The following MAN1A2 variants were observed in gnomAD, a reference collection of about 807,000 sequenced individuals.
The protein encoded by MAN1A2 is mannosidase alpha class 1A member 2, also known as mannosyl-oligosaccharide 1,2-alpha-mannosidase IB.
A neutral mutation model predicts 75.7 loss-of-function variants in MAN1A2; 26 were observed. The ratio of observed to expected loss-of-function variants is 0.34; its 90% CI spans 0.25 to 0.48. MAN1A2 has a LOEUF of 0.48. Ranked by LOEUF, MAN1A2 falls within the 20% of genes least tolerant of loss-of-function variation. The pLI, the probability that MAN1A2 is intolerant of heterozygous loss-of-function variation, is 0.99. For missense variants in MAN1A2, 562 were observed against 775.5 expected (o/e 0.72, Z 3.27); for synonymous variants, 247 against 264.6 (o/e 0.93, Z 0.65).
Position 117,463,713 on chromosome 1 carries a change from T to TA in MAN1A2, c.1075-2610dup, listed in dbSNP as rs151196628. 1.7e-3 allele frequency among the ~76,000 whole-genome samples: 247 copies of TA among 143,866 alleles called. 1 individual carries two copies. Among genetic ancestry groups the TA allele is most frequent in the African/African-American group, 3.4e-3 (133 of 39,152 alleles). The allele number at this position is 143,866 out of a possible 152,430, so 94.4% of individuals were successfully genotyped here. A position where few individuals can be genotyped will look rare whatever the true frequency, so the allele number is the denominator to read the frequency against. On this transcript the variant is annotated intron_variant, in intron 7 of 12. Coordinates refer to ENST00000356554, the MANE Select transcript of MAN1A2 (RefSeq NM_006699.5). ...ATCCAGTTTCAAATTTTAAAAACAG[T>TA]AAAAAAAAAAAGTCACCATGAGTAA...
chr1:117,386,037 G>A (rs1374972898), intron 1 of MAN1A2, among the ~76,000 whole-genome samples: 1 of 152,132 alleles, frequency 6.6e-6, no homozygotes, highest in Non-Finnish European at 1.5e-5. Flanking sequence ...TAGGTGATAG[G>A]CAATACCCTT....
chr1:117,451,409 T>C (rs1384180634), intron 6 of MAN1A2, among the ~76,000 whole-genome samples: 2 of 152,238 alleles, frequency 1.3e-5, no homozygotes, highest in African/African-American at 4.8e-5. Flanking sequence ...GATGAGACTT[T>C]GGACCATGGA....
intron 5 of MAN1A2, among the ~76,000 whole-genome samples, chr1:117,439,629 G>A (rs779822140): frequency 2.6e-5 from 4 of 151,958 alleles, no homozygotes; most frequent in Admixed American, 6.6e-5. Context: ...GAGTAGCTGG[G>A]ACTATAGGCG....
chr1:117,452,021 A>T (rs1557956461), intron 6 of MAN1A2, among the ~76,000 whole-genome samples: 1 of 151,828 alleles, frequency 6.6e-6, no homozygotes, highest in East Asian at 1.9e-4. Context: ...ACAGAAAAAA[A>T]CCCAGCCAGG....
In MAN1A2 at chr1:117,525,174, C is replaced by A; in HGVS notation, c.*2217C>A. 1.9e-6 allele frequency: 1 copy of A among 519,070 alleles called. No individual in the cohort carries two copies. The highest frequency in any genetic ancestry group is 4.0e-6 in the Non-Finnish European group (1 of 252,696). 32.2% of individuals were successfully genotyped at this position (519,070 alleles called of 1,614,324 possible). A position where few individuals can be genotyped will look rare whatever the true frequency, so the allele number is the denominator to read the frequency against. ...CAGATGACTGAAGCTTAAGAGAAGG[C>A]AGGGAAGTATACAAGCAGAGCCAGT... On this transcript the variant is annotated 3_prime_UTR_variant, in exon 13 of 13. Coordinates refer to ENST00000356554, the MANE Select transcript of MAN1A2 (RefSeq NM_006699.5).
intron 5 of MAN1A2, among the ~76,000 whole-genome samples, chr1:117,421,786 A>C (rs1305251504): frequency 1.3e-5 from 2 of 152,076 alleles, no homozygotes; most frequent in Admixed American, 6.6e-5. Flanking sequence ...ACATTTAATA[A>C]AATAGAAAAA....
chr1:117,407,279 G>A (rs1647646462), intron 3 of MAN1A2, among the ~76,000 whole-genome samples: 2 of 151,974 alleles, frequency 1.3e-5, no homozygotes, highest in Admixed American at 1.3e-4. Flanking sequence ...TTTGTTAAAG[G>A]ATTATTTTTT....
At chr1:117,471,881 A>G (rs898515148) in intron 8 of MAN1A2, among the ~76,000 whole-genome samples, 5 of 152,024 alleles carry the variant, frequency 3.3e-5, no homozygotes, top group African/African-American at 1.2e-4. Flanking sequence ...AAACCGGATC[A>G]GGTTTTGAGA....
intron 12 of MAN1A2, among the ~76,000 whole-genome samples, chr1:117,509,399 C>T (rs1398178426): frequency 1.3e-5 from 2 of 151,872 alleles, no homozygotes; most frequent in Non-Finnish European, 2.9e-5. Flanking sequence ...ATGTAAGAAT[C>T]TAGTCACTTT....
chr1:117,503,122 T>C (rs886688614), intron 12 of MAN1A2, 152 bp downstream of exon 12: 1 of 522,082 alleles, frequency 1.9e-6, no homozygotes, highest in African/African-American at 2.0e-5. Context: ...TAGCTACATC[T>C]CAAAAAGAAT....
intron 5 of MAN1A2, among the ~76,000 whole-genome samples, chr1:117,421,497 A>G (rs1206166767): frequency 6.6e-6 from 1 of 151,472 alleles, no homozygotes; most frequent in African/African-American, 2.4e-5. Flanking sequence ...AGCCTTTCCT[A>G]TGTCTGTGTT....
intron 1 of MAN1A2, among the ~76,000 whole-genome samples, chr1:117,380,289 A>G (rs1298659308): frequency 2.6e-5 from 4 of 152,278 alleles, no homozygotes; most frequent in African/African-American, 7.2e-5. Flanking sequence ...GCATTTTTGA[A>G]GGAACGTCTA....
chr1:117,491,707 C>T (rs961427165), intron 8 of MAN1A2, among the ~76,000 whole-genome samples: 4 of 152,010 alleles, frequency 2.6e-5, no homozygotes, highest in Admixed American at 6.6e-5. Flanking sequence ...AAATGGAAAA[C>T]CTTCGGGAAA....
In MAN1A2 at chr1:117,415,694, T is replaced by C. The variant is rs12080545; in HGVS notation, c.774+863T>C. Among the ~76,000 whole-genome samples, 587 of 152,114 alleles carry C rather than the reference T, an allele frequency of 3.9e-3. 7 individuals carry two copies. Among genetic ancestry groups the C allele is most frequent in the African/African-American group, 0.013 (558 of 41,518 alleles). ...TTTTTCATGTAAATCAAGTACAGAG[T>C]TAAGCAGTTCAGGGCTGGTTTGGGT... is the stretch of plus-strand genomic sequence containing the variant. On this transcript the variant is annotated intron_variant, in intron 4 of 12. Transcript: ENST00000356554.
At chr1:117,370,632 C>G (rs1388425181) in intron 1 of MAN1A2, among the ~76,000 whole-genome samples, 1 of 151,828 alleles carries the variant, frequency 6.6e-6, no homozygotes, top group Non-Finnish European at 1.5e-5. Flanking sequence ...AAAAATAATT[C>G]AGAAAAATAG....
At chr1:117,499,237 T>C in intron 10 of MAN1A2, 145 bp from the exon 11 acceptor site, 1 of 468,830 alleles carries the variant, frequency 2.1e-6, no homozygotes. Flanking sequence ...TTAAAATGAC[T>C]CATTTTGCAC....
At chr1:117,409,976 C>T (rs1343817157) in intron 3 of MAN1A2, among the ~76,000 whole-genome samples, 1 of 151,620 alleles carries the variant, frequency 6.6e-6, no homozygotes, top group Non-Finnish European at 1.5e-5. Context: ...CCATGGATGC[C>T]CAAGTCTCTT....
At chr1:117,391,884 T>G (rs1653731394) in intron 1 of MAN1A2, among the ~76,000 whole-genome samples, 1 of 152,180 alleles carries the variant, frequency 6.6e-6, no homozygotes, top group African/African-American at 2.4e-5. Flanking sequence ...AATCTATTAT[T>G]GTTAATTAAT....
intron 6 of MAN1A2, among the ~76,000 whole-genome samples, chr1:117,453,057 C>T (rs903422359): frequency 2.6e-5 from 4 of 152,154 alleles, no homozygotes; most frequent in African/African-American, 9.7e-5. Context: ...CAGATGAGAG[C>T]ACATCTGTTG....
Sources: allele counts gnomAD v4.1 joint callset (sites outside exome capture counted in the v4.1 genomes callset), GRCh38; gene constraint gnomAD v4.1.1; transcripts MANE v1.5; gene names NCBI Gene and HGNC (gene_info 2026-07-23, HGNC 2026-07-21).